Variants in STK4 observed in about 807,000 individuals in gnomAD.
STK4 encodes the protein serine/threonine-protein kinase 4.
A neutral mutation model predicts 64.9 loss-of-function variants in STK4; 30 were observed. That is an observed-to-expected ratio of 0.46 (90% CI 0.35 to 0.63). STK4 has a LOEUF of 0.63. Among genes scored for constraint, STK4 ranks in the 20% least tolerant of loss-of-function variants. The probability of loss-of-function intolerance (pLI) is 0.01; values close to 1 mark genes in which losing one functional copy is unlikely to be tolerated. For synonymous variants in STK4, 177 were observed against 199.0 expected, an observed-to-expected ratio of 0.89 and a Z score of 0.93; for missense variants, 466 against 598.5, an observed-to-expected ratio of 0.78 and a Z score of 2.31.
intron 1 of STK4, among the ~76,000 whole-genome samples, chr20:44,969,524 A>ATT (rs1185749385): frequency 8.8e-6 from 1 of 114,162 alleles, no homozygotes; most frequent in Non-Finnish European, 1.9e-5. Context: ...TGTGTGATTA[A>ATT]GTGATGACAG....
intron 1 of STK4, among the ~76,000 whole-genome samples, chr20:44,970,971 C>CT (rs964221960): frequency 5.2e-4 from 75 of 143,968 alleles, no homozygotes; most frequent in African/African-American, 1.9e-3. Context: ...TAGTCTAAAC[C>CT]TTTTTTTTTC....
intron 10 of STK4, among the ~76,000 whole-genome samples, chr20:45,034,528 T>G (rs2068495795): frequency 6.6e-6 from 1 of 152,204 alleles, no homozygotes; most frequent in South Asian, 2.1e-4. Flanking sequence ...AAGATACTTT[T>G]GAACAAGAAG....
intron 5 of STK4, among the ~76,000 whole-genome samples, chr20:44,988,551 A>ATATATATATATATATG (rs2067577183): frequency 5.5e-5 from 6 of 108,668 alleles, no homozygotes; most frequent in African/African-American, 1.8e-4. Flanking sequence ...ATATATATAT[A>ATATATATATATATATG]TATATATATA....
At position 44,995,047 on chromosome 20, in the gene STK4, T is replaced by C. The variant is rs200431907; in HGVS notation, c.526-43T>C. 2.2e-5 allele frequency: 33 copies of C among 1,467,882 alleles called. No individual in the cohort carries two copies. In the East Asian group the frequency reaches 7.8e-4, roughly 35 times the overall value. 90.9% of individuals were successfully genotyped at this position (1,467,882 alleles called of 1,614,324 possible). ...TAGACTTCCTCTGTGGACATCTCAGTAGTTTTAAGCTTAGTGTCAGTCTCT... is the reference window on the plus strand; with the variant it reads ...TAGACTTCCTCTGTGGACATCTCAGCAGTTTTAAGCTTAGTGTCAGTCTCT... On this transcript the variant is annotated intron_variant, in intron 5 of 10. Coordinates refer to ENST00000372806, the MANE Select transcript of STK4 (RefSeq NM_006282.5).
chr20:45,035,752 C>G (rs2068517736), intron 10 of STK4, among the ~76,000 whole-genome samples: 1 of 152,128 alleles, frequency 6.6e-6, no homozygotes, highest in Admixed American at 6.6e-5. Flanking sequence ...CAGACATAGT[C>G]TCTGAATTCA....
intron 9 of STK4, among the ~76,000 whole-genome samples, chr20:45,002,243 A>C (rs2067854784): frequency 6.6e-6 from 1 of 152,222 alleles, no homozygotes; most frequent in African/African-American, 2.4e-5. Context: ...CCAACCTGTT[A>C]GTATGTGTTG....
intron 5 of STK4, among the ~76,000 whole-genome samples, chr20:44,987,861 T>G (rs2067558090): frequency 6.6e-6 from 1 of 152,152 alleles, no homozygotes; most frequent in African/African-American, 2.4e-5. Flanking sequence ...GAAATAGTTT[T>G]AGGCAGGTAT....
chr20:45,034,459 GT>G (rs1244768557), intron 10 of STK4, among the ~76,000 whole-genome samples: 1 of 152,096 alleles, frequency 6.6e-6, no homozygotes, highest in Admixed American at 6.5e-5. Flanking sequence ...ATAAATAGAT[GT>G]TTAAACACTA....
intron 2 of STK4, among the ~76,000 whole-genome samples, chr20:44,975,935 A>T (rs1230515648): frequency 6.6e-6 from 1 of 152,268 alleles, no homozygotes; most frequent in African/African-American, 2.4e-5. Context: ...ATCTACTGCC[A>T]TGAGATAATC....
chr20:44,989,213 A>G (rs2067590369), intron 5 of STK4, among the ~76,000 whole-genome samples: 1 of 152,146 alleles, frequency 6.6e-6, no homozygotes, highest in Non-Finnish European at 1.5e-5. Flanking sequence ...GTGGCTCACC[A>G]TTTTGTGTTC....
intron 10 of STK4, among the ~76,000 whole-genome samples, chr20:45,062,988 C>CTTTTTTTTTT (rs1407476144): frequency 1.8e-5 from 1 of 56,352 alleles, no homozygotes; most frequent in Non-Finnish European, 3.8e-5. Context: ...CCGCACCCGG[C>CTTTTTTTTTT]CTTTTTTTTT....
At chr20:44,990,397 C>CTT (rs35450262) in intron 5 of STK4, among the ~76,000 whole-genome samples, 2 of 141,722 alleles carry the variant, frequency 1.4e-5, no homozygotes, top group Non-Finnish European at 1.5e-5. Flanking sequence ...CCTTGCTGGA[C>CTT]TTTTTTTTTT....
At chr20:45,025,665 T>C (rs2068331862) in intron 10 of STK4, among the ~76,000 whole-genome samples, 1 of 152,208 alleles carries the variant, frequency 6.6e-6, no homozygotes, top group Admixed American at 6.5e-5. Context: ...CTTATTAATG[T>C]TCATAGGCAT....
chr20:45,063,853 G>T (rs1025024699), intron 10 of STK4, among the ~76,000 whole-genome samples: 11 of 151,634 alleles, frequency 7.3e-5, no homozygotes, highest in Admixed American at 6.6e-4. Flanking sequence ...TGTCACCCAG[G>T]CTGGAGTGCA....
chr20:45,062,989 CTTTTTTTT>C (rs71197599), intron 10 of STK4, among the ~76,000 whole-genome samples: 71 of 31,490 alleles, frequency 2.3e-3, no homozygotes, highest in Non-Finnish European at 2.9e-3. Context: ...CGCACCCGGC[CTTTTTTTT>C]TTTTTTTTTT....
chr20:44,984,232 T>C (rs1187760895), intron 4 of STK4, among the ~76,000 whole-genome samples: 3 of 139,600 alleles, frequency 2.1e-5, no homozygotes, highest in Admixed American at 1.5e-4. Flanking sequence ...CCTTGCTCTG[T>C]TGCCCAGGCT....
intron 10 of STK4, among the ~76,000 whole-genome samples, chr20:45,027,816 G>A (rs6130730): frequency 2.0e-5 from 3 of 152,022 alleles, no homozygotes; most frequent in Admixed American, 2.0e-4. Context: ...TGTCTCCATA[G>A]GATCCACTTT....
chr20:44,983,284 G>A (rs924855005), intron 4 of STK4, among the ~76,000 whole-genome samples: 6 of 152,140 alleles, frequency 3.9e-5, no homozygotes, highest in African/African-American at 1.4e-4. Flanking sequence ...GCAAGTGAGC[G>A]AGCCATCTGA....
chr20:44,968,938 C>G (rs2067200185), intron 1 of STK4, among the ~76,000 whole-genome samples: 1 of 152,172 alleles, frequency 6.6e-6, no homozygotes, highest in South Asian at 2.1e-4. Context: ...TCTCACTGTT[C>G]TGAAGGCTAG....
Sources: allele counts gnomAD v4.1 joint callset (sites outside exome capture counted in the v4.1 genomes callset), GRCh38; gene constraint gnomAD v4.1.1; transcripts MANE v1.5; gene names NCBI Gene and HGNC (gene_info 2026-07-23, HGNC 2026-07-21).